NECAB2: variants seen among roughly 807,000 people sequenced by gnomAD.
The protein encoded by NECAB2 is N-terminal EF-hand calcium binding protein 2.
In NECAB2, 68 loss-of-function variants were observed where a neutral mutation model predicts 51.9. That is an observed-to-expected ratio of 1.31 (90% CI 1.08 to 1.60). NECAB2 has a LOEUF of 1.60. NECAB2 is among the 40% of genes most tolerant of loss of function. The probability of loss-of-function intolerance (pLI) is 0.00; values close to 1 mark genes in which losing one functional copy is unlikely to be tolerated. For missense variants in NECAB2, 854 were observed against 490.3 expected (o/e 1.74, Z -7.00); for synonymous variants, 329 against 203.5 (o/e 1.62, Z -5.25).
chr16:83,969,088 T>G (rs1354380415), intron 1 of NECAB2, among the ~76,000 whole-genome samples: 2 of 149,264 alleles, frequency 1.3e-5, no homozygotes, highest in East Asian at 4.1e-4. Flanking sequence ...CCACCGGCGC[T>G]TCTCGGAGTC....
chr16:83,997,810 T>C (rs2084736907), intron 9 of NECAB2, among the ~76,000 whole-genome samples: 1 of 152,096 alleles, frequency 6.6e-6, no homozygotes, highest in African/African-American at 2.4e-5. Context: ...TCCTGGACTT[T>C]GATCCAAAAA....
At chr16:83,979,961 C>T (rs991718031) in intron 3 of NECAB2, among the ~76,000 whole-genome samples, 11 of 152,280 alleles carry the variant, frequency 7.2e-5, no homozygotes, top group African/African-American at 2.2e-4. Flanking sequence ...TCGCTTTCTG[C>T]AGGACTTGCC....
Position 83,978,547 on chromosome 16 carries a change from C to T in NECAB2, c.330C>T (p.Asn110=). 1 of 1,612,336 alleles carries T rather than the reference C, an allele frequency of 6.2e-7. No individual in the cohort carries two copies. The highest frequency in any genetic ancestry group is 8.5e-7 in the Non-Finnish European group (1 of 1,178,790). The change falls in exon 3 of 13, where the codon AAC becomes AAT. Residue 110 remains asparagine (N), a synonymous_variant. Coordinates refer to ENST00000305202, the MANE Select transcript of NECAB2 (RefSeq NM_019065.3). Reference sequence around the variant, plus strand: ...TCTTTCACACGATTGACTCTGACAACACCAAGTGAGCTTCAGTCCTGGCTG... The same window carrying T: ...TCTTTCACACGATTGACTCTGACAATACCAAGTGAGCTTCAGTCCTGGCTG... The part of the protein sequence containing the change: ...EDLFHTIDSD[N]TNHVDTKELC...
At chr16:83,976,239 G>A (rs955315649) in intron 2 of NECAB2, among the ~76,000 whole-genome samples, 3 of 152,192 alleles carry the variant, frequency 2.0e-5, no homozygotes, top group Admixed American at 6.5e-5. Context: ...TGGCGATGTC[G>A]CCACAAGATC....
intron 5 of NECAB2, among the ~76,000 whole-genome samples, chr16:83,983,013 C>T (rs541614642): frequency 6.6e-6 from 1 of 151,826 alleles, no homozygotes; most frequent in Non-Finnish European, 1.5e-5. Context: ...GGACTACAGG[C>T]GCCCACCACC....
At chr16:84,000,443 A>C (rs2084807022) in intron 10 of NECAB2, among the ~76,000 whole-genome samples, 1 of 152,204 alleles carries the variant, frequency 6.6e-6, no homozygotes, top group African/African-American at 2.4e-5. Context: ...TGATTGTGCC[A>C]CTGCACTCCA....
At chr16:83,994,274 T>C (rs1321879332) in intron 6 of NECAB2, 28 bp from the exon 7 acceptor site, 1 of 1,608,654 alleles carries the variant, frequency 6.2e-7, no homozygotes, top group East Asian at 2.2e-5. Flanking sequence ...ACCGCCATGG[T>C]CTGTGTGTGT....
chr16:83,993,658 G>GTGTGTGTGTT (rs2084655159), intron 6 of NECAB2: 1 of 160,278 alleles, frequency 6.2e-6, no homozygotes, highest in Non-Finnish European at 1.3e-5. Context: ...GTGTGTGTGT[G>GTGTGTGTGTT]TGTGTGTGTG....
intron 10 of NECAB2, 112 bp downstream of exon 10, chr16:83,998,429 G>A (rs2084752775): frequency 2.1e-6 from 2 of 962,628 alleles, no homozygotes; most frequent in African/African-American, 1.6e-5. Flanking sequence ...GCACCCCAGG[G>A]ACACACACAG....
chr16:83,965,968 C>T (rs768528771), upstream of NECAB2: 1 of 1,604,242 alleles, frequency 6.2e-7, no homozygotes, highest in Non-Finnish European at 8.5e-7. Context: ...TGGCTGTGGC[C>T]AGCTCCCTGC....
chr16:84,000,304 A>G (rs2084802586), intron 10 of NECAB2, among the ~76,000 whole-genome samples: 1 of 152,162 alleles, frequency 6.6e-6, no homozygotes, highest in African/African-American at 2.4e-5. Context: ...CCAAGGTGAG[A>G]AGACAGCCTG....
chr16:83,997,383 G>C (rs1314795181), intron 9 of NECAB2, 114 bp downstream of exon 9: 1 of 1,359,738 alleles, frequency 7.4e-7, no homozygotes, highest in Non-Finnish European at 1.0e-6. Context: ...GGACCACCAG[G>C]AGGGGAGATG....
At chr16:84,000,928 T>G in intron 11 of NECAB2, 127 bp downstream of exon 11, 2 of 888,202 alleles carry the variant, frequency 2.3e-6, no homozygotes, top group Non-Finnish European at 1.8e-6. Context: ...CCGAGGCATC[T>G]ACCCGCTGGC....
At chr16:83,983,959 C>G (rs945404146) in intron 5 of NECAB2, among the ~76,000 whole-genome samples, 2 of 150,416 alleles carry the variant, frequency 1.3e-5, no homozygotes, top group African/African-American at 2.4e-5. Context: ...TCAACTTTTT[C>G]ACTTGTCCAT....
At chr16:83,969,023 C>G (rs1160925798) in intron 1 of NECAB2, among the ~76,000 whole-genome samples, 174 bp downstream of exon 1, 3 of 151,446 alleles carry the variant, frequency 2.0e-5, no homozygotes, top group African/African-American at 4.9e-5. Flanking sequence ...CACGTCCAGG[C>G]CGGTCTCCAG....
At chr16:83,998,448 G>C (rs778583232) in intron 10 of NECAB2, 131 bp downstream of exon 10, 7 of 826,302 alleles carry the variant, frequency 8.5e-6, no homozygotes, top group Admixed American at 2.5e-5. Context: ...AGCTGGATGC[G>C]TAAGAAGTGG....
chr16:83,992,377 T>TCCCCG (rs1555548085), intron 6 of NECAB2, among the ~76,000 whole-genome samples: 2 of 133,046 alleles, frequency 1.5e-5, no homozygotes, highest in Admixed American at 7.6e-5. Context: ...CGAGCACCCG[T>TCCCCG]CCCCCCGCCC....
chr16:83,992,384 G>GCCCCCCCCCCCC (rs200728906), intron 6 of NECAB2, among the ~76,000 whole-genome samples: 2 of 143,324 alleles, frequency 1.4e-5, no homozygotes, highest in East Asian at 2.0e-4. Flanking sequence ...CCGTCCCCCC[G>GCCCCCCCCCCCC]CCCACCTCCA....
intron 2 of NECAB2, among the ~76,000 whole-genome samples, chr16:83,976,732 C>T (rs1419497829): frequency 6.6e-6 from 1 of 152,146 alleles, no homozygotes; most frequent in Non-Finnish European, 1.5e-5. Context: ...GCCCTAGCCC[C>T]CCGTGCCCAC....
Sources: allele counts gnomAD v4.1 joint callset (sites outside exome capture counted in the v4.1 genomes callset), GRCh38; gene constraint gnomAD v4.1.1; transcripts MANE v1.5; gene names NCBI Gene and HGNC (gene_info 2026-07-23, HGNC 2026-07-21).